Variants in ABCF3 observed in about 807,000 individuals in gnomAD.
The protein encoded by ABCF3 is ATP-binding cassette sub-family F member 3.
ABCF3 carries 62 observed loss-of-function variants against 94.3 expected under a neutral mutation model. That is an observed-to-expected ratio of 0.66 (90% CI 0.54 to 0.81). The LOEUF is 0.81. Ranked by LOEUF, ABCF3 falls within the 40% of genes least tolerant of loss-of-function variation. ABCF3 has a pLI of 0.00. For missense variants in ABCF3, 843 were observed against 925.3 expected, an observed-to-expected ratio of 0.91 and a Z score of 1.15; for synonymous variants, 355 against 361.1, an observed-to-expected ratio of 0.98 and a Z score of 0.19.
rs764855710 is a variant in ABCF3, at chr3:184,193,629, T to C, written c.2061T>C (p.Arg687=). 13 of 1,613,938 alleles carry C rather than the reference T, an allele frequency of 8.1e-6. No individual in the cohort carries two copies. The Admixed American group carries it at 2.0e-4, about 25-fold the overall frequency. The change falls in exon 21 of 21, where the codon CGT becomes CGC. Residue 687 remains arginine (R), a synonymous_variant. Coordinates refer to ENST00000429586, the MANE Select transcript of ABCF3 (RefSeq NM_018358.3). This position sits in a 1 kb window ranked among gnomAD's most constrained non-coding sequence, Gnocchi z 5.2. ...TATGCGAAGGAGGCGGCGTCACCCGTGTGGAAGGAGGATTTGACCAGTACC... is the reference window on the plus strand; with the variant it reads ...TATGCGAAGGAGGCGGCGTCACCCGCGTGGAAGGAGGATTTGACCAGTACC... ...LWVCEGGGVT[R]VEGGFDQYRA...
In ABCF3 at chr3:184,189,262, C is replaced by T; in HGVS notation, c.1042C>T (p.Leu348Phe). The change falls in exon 11 of 21, where the codon CTT becomes TTT. Residue 348 changes from leucine (L) to phenylalanine (F), a missense_variant. Transcript: ENST00000429586. Reference protein sequence around the residue: ...LARALFARPDLLLLDEPTNML... With the variant: ...LARALFARPDFLLLDEPTNML... The stretch of plus-strand genomic sequence containing the variant: ...ATGTATTGTTTTTCATAGGCCAGAT[C>T]TTCTGCTGTTAGATGGTGAGTTTGA... 1.2e-6 allele frequency: 2 copies of T among 1,614,196 alleles called. No individual in the cohort carries two copies. Among genetic ancestry groups the T allele is most frequent in the South Asian group, 1.1e-5 (1 of 91,086 alleles).
chr3:184,192,559 T>C (rs373965114), intron 16 of ABCF3, 42 bp from the exon 17 acceptor site: 3 of 1,562,652 alleles, frequency 1.9e-6, no homozygotes, highest in African/African-American at 2.7e-5. Context: ...ACCGTATTTA[T>C]TTTTCTGGCA....
chr3:184,187,533 C>CT, intron 4 of ABCF3, 90 bp downstream of exon 4: 1 of 1,542,286 alleles, frequency 6.5e-7, no homozygotes, highest in South Asian at 1.1e-5. Flanking sequence ...GGATTTCTGA[C>CT]TATGTCTTTT....
rs1336204178 is a variant in ABCF3, at chr3:184,188,963, C to T, written c.952C>T (p.Pro318Ser). 1.2e-5 allele frequency: 20 copies of T among 1,614,216 alleles called. No individual in the cohort carries two copies. Among genetic ancestry groups the T allele is most frequent in the Non-Finnish European group, 1.5e-5 (18 of 1,180,038 alleles). Residue 318 changes from proline to serine, a missense_variant, in exon 9 of 21, where the codon CCT becomes TCT. By Grantham distance (74) the Pro-to-Ser change is moderately conservative. Coordinates refer to ENST00000429586, the MANE Select transcript of ABCF3 (RefSeq NM_018358.3). ...SVILAGLGFT[P>S]KMQQQPTREF... ...CATTCTCGCTGGGCTTGGCTTTACC[C>T]CTAAAATGCAGCAGCAGCCCACCCG... is the stretch of plus-strand genomic sequence containing the variant.
chr3:184,190,873 C>T, intron 14 of ABCF3, 126 bp from the exon 15 acceptor site: 3 of 1,147,404 alleles, frequency 2.6e-6, no homozygotes, highest in Admixed American at 2.6e-5. Flanking sequence ...AGAATGGACT[C>T]TAAAGTAATG....
intron 18 of ABCF3, 86 bp downstream of exon 18, chr3:184,192,982 G>A (rs1307727050): frequency 1.1e-5 from 17 of 1,574,024 alleles, no homozygotes; most frequent in Non-Finnish European, 1.4e-5. Context: ...GCCTTGGGGT[G>A]CGTGCAGAGC....
Position 184,186,661 on chromosome 3 carries a change from GC to G in ABCF3, c.221+9del. On this transcript the variant is annotated splice_region_variant and intron_variant, in intron 2 of 20. Coordinates refer to ENST00000429586, the MANE Select transcript of ABCF3 (RefSeq NM_018358.3). The stretch of plus-strand genomic sequence containing the variant: ...TGTACAACACTCTGCGTCTGTATGT[GC>G]CAGGGAGTAGGGGTTGATGGGGGCG... 1 of 1,604,386 alleles carries G rather than the reference GC, an allele frequency of 6.2e-7. No homozygotes were observed. The highest frequency in any genetic ancestry group is 8.5e-7 in the Non-Finnish European group (1 of 1,174,132).
At chr3:184,189,787 A>G (rs1391362550) in intron 13 of ABCF3, 30 bp downstream of exon 13, 1 of 1,614,028 alleles carries the variant, frequency 6.2e-7, no homozygotes. Flanking sequence ...TGGGGGTCCC[A>G]TCCCAGGGGT....
chr3:184,188,983 C>T lies in ABCF3; in HGVS notation c.972C>T (p.Pro324=). The part of the protein sequence containing the change: ...LGFTPKMQQQ[P]TREFSGGWRM... ...TTACCCCTAAAATGCAGCAGCAGCCCACCCGGTGAGTGACCCTTGCCATTC... is the reference window on the plus strand; with the variant it reads ...TTACCCCTAAAATGCAGCAGCAGCCTACCCGGTGAGTGACCCTTGCCATTC... Residue 324 remains proline (P), a synonymous_variant, in exon 9 of 21, where the codon CCC becomes CCT. Transcript: ENST00000429586. 1 of 1,614,248 alleles carries T rather than the reference C, an allele frequency of 6.2e-7. No homozygotes were observed. Among genetic ancestry groups the T allele is most frequent in the Non-Finnish European group, 8.5e-7 (1 of 1,180,054 alleles).
chr3:184,186,302 G>T (rs776764035), intron 1 of ABCF3, 22 bp downstream of exon 1: 1 of 1,613,932 alleles, frequency 6.2e-7, no homozygotes, highest in East Asian at 2.2e-5. Context: ...TGAATCGGCC[G>T]GCTGGGGAGA....
chr3:184,193,749 C>CTGGGCCACCATG lies in ABCF3; in HGVS notation c.*53_*64dup, dbSNP rs1716183093. ...GGACATGGACTGGTCTCTCAGACCC[C>CTGGGCCACCATG]TGGGCCACCATGTAGGCCACCACTC... On this transcript the variant is annotated 3_prime_UTR_variant, in exon 21 of 21. Transcript: ENST00000429586. The surrounding 1 kb of genome is among the most constrained non-coding windows in gnomAD (Gnocchi z 5.2). 2.6e-6 allele frequency: 4 copies of CTGGGCCACCATG among 1,512,522 alleles called. No individual in the cohort carries two copies. The highest frequency in any genetic ancestry group is 3.5e-6 in the Non-Finnish European group (4 of 1,126,986). The allele number at this position is 1,512,522 out of a possible 1,614,324, so 93.7% of individuals were successfully genotyped here.
rs1716101944 is a variant in ABCF3, at chr3:184,192,666, T to A, written c.1635T>A (p.Val545=). 1.2e-6 allele frequency: 2 copies of A among 1,611,020 alleles called. No individual in the cohort carries two copies. The highest frequency in any genetic ancestry group is 1.7e-6 in the Non-Finnish European group (2 of 1,179,262). ...TGCTTTTGGGGGACCTGGCACCTGT[T>A]CGGGGCATCAGACACGCTCACAGGT... ...LKLLLGDLAP[V]RGIRHAHRNL... The change falls in exon 17 of 21, where the codon GTT becomes GTA. Residue 545 remains valine, a synonymous_variant. Transcript: ENST00000429586.
rs1716196436 is a variant in ABCF3 at position 184,193,981 on chromosome 3, T to C, written c.*283T>C. On this transcript the variant is annotated 3_prime_UTR_variant, in exon 21 of 21. Transcript: ENST00000429586. This position sits in a 1 kb window ranked among gnomAD's most constrained non-coding sequence, Gnocchi z 5.2. ...CTGACTGGACCCCAAGTGGCTGCTA[T>C]GTAAATTAAATCTCTCCCCGCGTCT... The C allele has an allele frequency of 2.5e-6, 1 of 397,302 alleles. No individual in the cohort carries two copies. The highest frequency in any genetic ancestry group is 4.5e-6 in the Non-Finnish European group (1 of 221,266). The allele number at this position is 397,302 out of a possible 1,614,324, so 24.6% of individuals were successfully genotyped here. A position where few individuals can be genotyped will look rare whatever the true frequency, so the allele number is the denominator to read the frequency against.
rs1577066051 is a variant in ABCF3, at chr3:184,187,913, T to C, written c.499T>C (p.Leu167=). The change falls in exon 6 of 21, where the codon TTG becomes CTG. Residue 167 remains leucine (L), a synonymous_variant. Transcript: ENST00000429586. ...GGCAGGCAGCAGAAAGGAGAGTCGG[T>C]TGGAATCATCTGGCAAGAACAAATC... ...SQAGSRKESR[L]ESSGKNKSYD... 6.2e-7 allele frequency: 1 copy of C among 1,613,920 alleles called. No individual in the cohort carries two copies. Among genetic ancestry groups the C allele is most frequent in the African/African-American group, 1.3e-5 (1 of 74,902 alleles).
rs1031198210 is a variant in ABCF3 at position 184,188,889 on chromosome 3, G to C, written c.918-40G>C. 8 of 1,613,984 alleles carry C rather than the reference G, an allele frequency of 5.0e-6. No individual in the cohort carries two copies. In the Admixed American group the frequency reaches 1.2e-4, roughly 24 times the overall value. Reference sequence around the variant, plus strand: ...CCTTCAGATTTCCTTTCCCTTCTGTGGACTGTTCCAACTGAGTTCTTCGAT... The same window carrying C: ...CCTTCAGATTTCCTTTCCCTTCTGTCGACTGTTCCAACTGAGTTCTTCGAT... On this transcript the variant is annotated intron_variant, in intron 8 of 20. Transcript: ENST00000429586.
In ABCF3 at chr3:184,193,150, C is replaced by G; in HGVS notation, c.1799C>G (p.Ser600Cys). The G allele has an allele frequency of 6.4e-7, 1 of 1,564,398 alleles. No individual in the cohort carries two copies. The highest frequency in any genetic ancestry group is 8.6e-7 in the Non-Finnish European group (1 of 1,156,232). ...YRHQLGRYGI[S>C]GELAMRPLAS... ...CACCAGCTGGGTCGGTATGGCATCT[C>G]CGGAGAACTGGCCATGCGTCCTCTT... The change falls in exon 19 of 21, where the codon TCC (serine) becomes TGC (cysteine). Residue 600 changes from serine to cysteine, a missense_variant. Coordinates refer to ENST00000429586, the MANE Select transcript of ABCF3 (RefSeq NM_018358.3). The surrounding 1 kb of genome is among the most constrained non-coding windows in gnomAD (Gnocchi z 5.2).
In ABCF3 at chr3:184,191,265, C is replaced by T; in HGVS notation, c.1569+10C>T. ...GTCTCGCATCTGTGTGGTAAGGCTG[C>T]TGTTTCTCTGTGCTGCGAGCTGGGA... On this transcript the variant is annotated intron_variant, in intron 16 of 20. Transcript: ENST00000429586. 3 of 1,613,838 alleles carry T rather than the reference C, an allele frequency of 1.9e-6. No individual in the cohort carries two copies. Among genetic ancestry groups the T allele is most frequent in the Non-Finnish European group, 2.5e-6 (3 of 1,180,030 alleles).
chr3:184,187,945 T>G lies in ABCF3; in HGVS notation c.531T>G (p.Asp177Glu), dbSNP rs1037016398. Residue 177 changes from aspartate to glutamate, a missense_variant, in exon 6 of 21, where the codon GAT becomes GAG. By Grantham distance (45) the Asp-to-Glu change is conservative (BLOSUM62 2). Transcript: ENST00000429586. The part of the protein sequence containing the change: ...LESSGKNKSY[D>E]VRIENFDVSF... ...CATCTGGCAAGAACAAATCCTATGA[T>G]GTGCGAATTGAGAACTTTGATGTGT... 4 of 1,613,942 alleles carry G rather than the reference T, an allele frequency of 2.5e-6. No individual in the cohort carries two copies. The highest frequency in any genetic ancestry group is 3.4e-6 in the Non-Finnish European group (4 of 1,180,048).
At position 184,191,749 on chromosome 3, in the gene ABCF3, C is replaced by CTTTTTTTTTTTTT. The variant is rs375009324; in HGVS notation, c.1569+496_1569+508dup. Reference sequence around the variant, plus strand: ...GCATTTTTCTGTAGAGTTAGAGTTCCTTTTTTTTTTTTTTCGGAGACAGAG... The same window carrying CTTTTTTTTTTTTT: ...GCATTTTTCTGTAGAGTTAGAGTTCCTTTTTTTTTTTTTTTTTTTTTTTTTTTCGGAGACAGAG... On this transcript the variant is annotated intron_variant, in intron 16 of 20. Transcript: ENST00000429586. 9.6e-3 allele frequency among the ~76,000 whole-genome samples: 1,103 copies of CTTTTTTTTTTTTT among 114,564 alleles called. 201 individuals carry two copies. The highest frequency in any genetic ancestry group is 0.038 in the African/African-American group (1,038 of 27,182). The allele number at this position is 114,564 out of a possible 152,430, so 75.2% of individuals were successfully genotyped here.
Sources: allele counts gnomAD v4.1 joint callset (sites outside exome capture counted in the v4.1 genomes callset), GRCh38; gene constraint gnomAD v4.1.1; non-coding constraint Gnocchi (gnomAD v3.1); transcripts MANE v1.5; gene names NCBI Gene and HGNC (gene_info 2026-07-23, HGNC 2026-07-21).